Variants in RHOBTB1 observed in about 807,000 individuals in gnomAD.
RHOBTB1 encodes rho-related BTB domain-containing protein 1.
Under a neutral mutation model 71.6 loss-of-function variants are expected in RHOBTB1, and 40 were observed. The ratio of observed to expected loss-of-function variants is 0.56; its 90% CI spans 0.43 to 0.73. The LOEUF (loss-of-function observed/expected upper bound fraction) is 0.73. Among genes scored for constraint, RHOBTB1 ranks in the 30% least tolerant of loss-of-function variants. The pLI, the probability that RHOBTB1 is intolerant of heterozygous loss-of-function variation, is 0.00. For synonymous variants in RHOBTB1, 319 were observed against 334.9 expected, an observed-to-expected ratio of 0.95 and a Z score of 0.52; for missense variants, 797 against 894.0, an observed-to-expected ratio of 0.89 and a Z score of 1.38.
chr10:60,993,169 G>T (rs1334509626), intron 1 of RHOBTB1, among the ~76,000 whole-genome samples: 1 of 152,054 alleles, frequency 6.6e-6, no homozygotes, highest in East Asian at 1.9e-4. Flanking sequence ...AAAACCCATT[G>T]TCTTCATTGC....
Position 60,877,906 on chromosome 10 carries a change from A to G in RHOBTB1, c.1726+2T>C. 2 of 1,613,132 alleles carry G rather than the reference A, an allele frequency of 1.2e-6. No homozygotes were observed. Among genetic ancestry groups the G allele is most frequent in the Non-Finnish European group, 1.7e-6 (2 of 1,179,576 alleles). On this transcript the variant is annotated splice_donor_variant, in intron 8 of 10. Transcript: ENST00000337910. LOFTEE classifies it high-confidence loss of function. ...TGCATGGCCCTGAGTCATCATCCTTACCTGCAAGTGCAACCAAGTGTGGCA... is the reference window on the plus strand; with the variant it reads ...TGCATGGCCCTGAGTCATCATCCTTGCCTGCAAGTGCAACCAAGTGTGGCA...
intron 2 of RHOBTB1, among the ~76,000 whole-genome samples, chr10:60,970,938 T>A (rs1401606440): frequency 6.6e-6 from 1 of 152,048 alleles, no homozygotes; most frequent in Non-Finnish European, 1.5e-5. Flanking sequence ...CCAGAATATA[T>A]GCATAACTCA....
At position 60,886,674 on chromosome 10, in the gene RHOBTB1, C is replaced by T. The variant is rs1019465781; in HGVS notation, c.1457-444G>A. On this transcript the variant is annotated intron_variant, in intron 6 of 10. Transcript: ENST00000337910. ...ATTTATAATATGCTCTACTCGTATGCTATACCAAAATGTAACCGAATTACT... is the reference window on the plus strand; with the variant it reads ...ATTTATAATATGCTCTACTCGTATGTTATACCAAAATGTAACCGAATTACT... Among the ~76,000 whole-genome samples the T allele has an allele frequency of 4.7e-5, 7 of 148,744 alleles. No individual in the cohort carries two copies. In the East Asian group the frequency reaches 1.2e-3, roughly 25 times the overall value.
chr10:60,997,443 C>T (rs1023335951), intron 1 of RHOBTB1, among the ~76,000 whole-genome samples: 3 of 152,166 alleles, frequency 2.0e-5, no homozygotes, highest in Non-Finnish European at 4.4e-5. Context: ...GCCCTCTAAA[C>T]TTTAAGAACT....
chr10:60,922,002 G>A (rs2083591593), intron 2 of RHOBTB1, among the ~76,000 whole-genome samples: 1 of 152,092 alleles, frequency 6.6e-6, no homozygotes, highest in Non-Finnish European at 1.5e-5. Flanking sequence ...CAGGCAGGAG[G>A]GGCATAGGAT....
chr10:60,971,120 TTAAGTAAATTATCCATC>T (rs1308644202), intron 2 of RHOBTB1, among the ~76,000 whole-genome samples: 1 of 152,040 alleles, frequency 6.6e-6, no homozygotes. Flanking sequence ...GCACCTGAAT[TTAAGTAAATTATCCATC>T]TGATACATGA....
At chr10:60,935,860 T>C (rs2084551040) in intron 2 of RHOBTB1, among the ~76,000 whole-genome samples, 1 of 152,208 alleles carries the variant, frequency 6.6e-6, no homozygotes, top group Admixed American at 6.5e-5. Context: ...GGTGTGACAC[T>C]GCATCATCTC....
At chr10:60,994,434 G>A (rs777511393) in intron 1 of RHOBTB1, among the ~76,000 whole-genome samples, 6 of 152,130 alleles carry the variant, frequency 3.9e-5, no homozygotes, top group Non-Finnish European at 8.8e-5. Flanking sequence ...CCAGAGAAAC[G>A]TAACAGCTAA....
At chr10:60,910,608 C>T (rs771541311) in intron 4 of RHOBTB1, among the ~76,000 whole-genome samples, 2 of 152,284 alleles carry the variant, frequency 1.3e-5, no homozygotes, top group Admixed American at 6.5e-5. Context: ...CAAAGCAGCC[C>T]GCAGTTGGAG....
At chr10:60,876,247 C>T (rs1368401778) in intron 8 of RHOBTB1, among the ~76,000 whole-genome samples, 1 of 152,170 alleles carries the variant, frequency 6.6e-6, no homozygotes, top group East Asian at 1.9e-4. Context: ...ACACTCTACA[C>T]TAGACAGTAC....
rs574299599 is a variant in RHOBTB1, at chr10:60,938,380, G to A, written c.-11+3424C>T. Among the ~76,000 whole-genome samples, 668 of 152,304 alleles carry A rather than the reference G, an allele frequency of 4.4e-3. 2 individuals carry two copies. The highest frequency in any genetic ancestry group is 7.4e-3 in the Non-Finnish European group (500 of 68,008). ...GCTGGGACTTGGAAGCCTGGGTTCA[G>A]TTCAGACTGTGTCACTTATTAACTA... On this transcript the variant is annotated intron_variant, in intron 2 of 10. Transcript: ENST00000337910.
At chr10:61,001,319 C>G (rs1430368365) in intron 1 of RHOBTB1, 1 of 151,968 alleles carries the variant, frequency 6.6e-6, no homozygotes, top group Non-Finnish European at 1.5e-5. Context: ...GCAGAGAGAC[C>G]CCCCATAATC....
chr10:60,879,017 C>A (rs2081181253), intron 7 of RHOBTB1, among the ~76,000 whole-genome samples: 1 of 152,204 alleles, frequency 6.6e-6, no homozygotes, highest in South Asian at 2.1e-4. Context: ...ACTAAGATTT[C>A]CACACATATT....
rs971889740 is a variant in RHOBTB1, at chr10:60,993,886, G to A, written c.-163+7513C>T. Among the ~76,000 whole-genome samples, 7 of 151,410 alleles carry A rather than the reference G, an allele frequency of 4.6e-5. No individual in the cohort carries two copies. In the East Asian group the frequency reaches 7.7e-4, roughly 17 times the overall value. ...ATTCTTTTGTAGTAATTAATTTTTTGGTGACATTTAGCTCAATAGTGCAAT... is the reference window on the plus strand; with the variant it reads ...ATTCTTTTGTAGTAATTAATTTTTTAGTGACATTTAGCTCAATAGTGCAAT... On this transcript the variant is annotated intron_variant, in intron 1 of 11. Transcript: ENST00000357917.
intron 9 of RHOBTB1, among the ~76,000 whole-genome samples, chr10:60,873,700 C>T (rs1395909897): frequency 6.6e-6 from 1 of 152,200 alleles, no homozygotes; most frequent in Non-Finnish European, 1.5e-5. Flanking sequence ...ACCCCAAATT[C>T]CAAGTGTGAA....
At chr10:60,991,519 C>T (rs1237405719) in intron 1 of RHOBTB1, among the ~76,000 whole-genome samples, 2 of 151,712 alleles carry the variant, frequency 1.3e-5, no homozygotes, top group Non-Finnish European at 2.9e-5. Flanking sequence ...CAACCTCTGC[C>T]TCCTGGGTTC....
chr10:60,862,948 G>A, the RHOBTB1 span, among the ~76,000 whole-genome samples: 1 of 148,294 alleles, frequency 6.7e-6, no homozygotes, highest in East Asian at 2.0e-4. Flanking sequence ...CATATGGTGG[G>A]TGAAATAAAA....
Position 60,888,826 on chromosome 10 carries a change from T to C in RHOBTB1, c.842A>G (p.His281Arg). ...ILQDQEHIFA[H>R]RIYLATSSSK... ...AGAAGAGGTAGCGAGGTAAATTCGA[T>C]GTGCAAAGATGTGTTCCTGGTCCTG... The change falls in exon 6 of 11, where the codon CAT becomes CGT. Residue 281 changes from histidine (H) to arginine (R), a missense_variant. Physicochemically the swap from His to Arg is conservative, Grantham distance 29. Coordinates refer to ENST00000337910, the MANE Select transcript of RHOBTB1 (RefSeq NM_014836.5). The C allele has an allele frequency of 6.2e-7, 1 of 1,614,218 alleles. No individual in the cohort carries two copies. The highest frequency in any genetic ancestry group is 8.5e-7 in the Non-Finnish European group (1 of 1,180,034).
At chr10:60,982,080 C>G (rs2086515080) in intron 2 of RHOBTB1, among the ~76,000 whole-genome samples, 1 of 152,160 alleles carries the variant, frequency 6.6e-6, no homozygotes, top group Non-Finnish European at 1.5e-5. Context: ...CTGTAAGTTA[C>G]TTTTTATTTG....
Sources: allele counts gnomAD v4.1 joint callset (sites outside exome capture counted in the v4.1 genomes callset), GRCh38; gene constraint gnomAD v4.1.1; transcripts MANE v1.5; gene names NCBI Gene and HGNC (gene_info 2026-07-23, HGNC 2026-07-21).